Variants in TMEM87B observed in about 807,000 individuals in gnomAD.
The protein encoded by TMEM87B is transmembrane protein 87B.
TMEM87B carries 83 observed loss-of-function variants against 80.3 expected under a neutral mutation model. The observed-to-expected ratio is 1.03, with a 90% CI of 0.87 to 1.24. The LOEUF is 1.24. Among genes scored for constraint, TMEM87B ranks in the 50% most tolerant of loss-of-function variants. TMEM87B has a pLI of 0.00. For synonymous variants in TMEM87B, 219 were observed against 230.5 expected (o/e 0.95, Z 0.45); for missense variants, 625 against 674.4 (o/e 0.93, Z 0.81).
intron 5 of TMEM87B, among the ~76,000 whole-genome samples, chr2:112,076,238 C>T (rs944417654): frequency 4.6e-5 from 7 of 151,772 alleles, no homozygotes; most frequent in South Asian, 4.2e-4. Context: ...GGTGACAGAG[C>T]GAGACTCCAT....
chr2:112,064,596 A>G (rs1367878211), intron 3 of TMEM87B, among the ~76,000 whole-genome samples: 1 of 152,384 alleles, frequency 6.6e-6, no homozygotes, highest in East Asian at 1.9e-4. Context: ...TGTATTGAGT[A>G]CAAGTAGATT....
intron 6 of TMEM87B, among the ~76,000 whole-genome samples, chr2:112,078,858 G>A (rs1678901923): frequency 6.6e-6 from 1 of 152,176 alleles, no homozygotes; most frequent in African/African-American, 2.4e-5. Flanking sequence ...GAGTAAATTA[G>A]CAAGGGGGCC....
In TMEM87B at chr2:112,074,409, T is replaced by G. The variant is rs193013541; in HGVS notation, c.451-503T>G. Among the ~76,000 whole-genome samples the G allele has an allele frequency of 1.5e-4, 23 of 152,364 alleles. No homozygotes were observed. The East Asian group carries it at 2.1e-3, about 14-fold the overall frequency. On this transcript the variant is annotated intron_variant, in intron 4 of 18. Coordinates refer to ENST00000283206, the MANE Select transcript of TMEM87B (RefSeq NM_032824.3). Reference sequence around the variant, plus strand: ...TAGGCCTCCAATTCTCTTCTCCTTGTAGGGTTTCTGTGGAGAGGCTTAATG... The same window carrying G: ...TAGGCCTCCAATTCTCTTCTCCTTGGAGGGTTTCTGTGGAGAGGCTTAATG...
At chr2:112,059,424 G>A (rs1678177829) in intron 1 of TMEM87B, among the ~76,000 whole-genome samples, 1 of 151,838 alleles carries the variant, frequency 6.6e-6, no homozygotes, top group Non-Finnish European at 1.5e-5. Context: ...AGGGTGAAAG[G>A]AAGGATTTTA....
Position 112,117,518 on chromosome 2 carries a change from A to G in TMEM87B, c.*1375A>G, listed in dbSNP as rs1290530662. On this transcript the variant is annotated 3_prime_UTR_variant, in exon 19 of 19. Transcript: ENST00000283206. ...TCAGAGAGGGTAGTAAAGAAGATCT[A>G]TTTCTGGTAGTCATATCGCTTGAAA... 6.6e-6 allele frequency: 1 copy of G among 152,068 alleles called. No individual in the cohort carries two copies. Among genetic ancestry groups the G allele is most frequent in the East Asian group, 1.9e-4 (1 of 5,196 alleles). The allele number at this position is 152,068 out of a possible 1,614,324, so 9.4% of individuals were successfully genotyped here.
At chr2:112,062,964 T>G (rs1012522024) in intron 2 of TMEM87B, among the ~76,000 whole-genome samples, 1 of 152,208 alleles carries the variant, frequency 6.6e-6, no homozygotes, top group Non-Finnish European at 1.5e-5. Context: ...GGGATCACTA[T>G]GCAGATTTCT....
rs753307613 is a variant in TMEM87B at position 112,100,700 on chromosome 2, G to GT, written c.1450+6dup. 6.4e-7 allele frequency: 1 copy of GT among 1,571,402 alleles called. No homozygotes were observed. The highest frequency in any genetic ancestry group is 1.3e-5 in the African/African-American group (1 of 74,088). The stretch of plus-strand genomic sequence containing the variant: ...TGGTAACTTCTGAAAATTTAAGTGA[G>GT]TAATATGTTTTCTTTTTAAATGACC... On this transcript the variant is annotated splice_donor_region_variant and intron_variant, in intron 15 of 18. Coordinates refer to ENST00000283206, the MANE Select transcript of TMEM87B (RefSeq NM_032824.3).
At position 112,081,268 on chromosome 2, in the gene TMEM87B, A is replaced by G. The variant is rs571247756; in HGVS notation, c.655-67A>G. The G allele has an allele frequency of 2.0e-4, 289 of 1,479,662 alleles. 2 individuals carry two copies. In the African/African-American group the frequency reaches 3.7e-3, roughly 19 times the overall value. The allele number at this position is 1,479,662 out of a possible 1,614,324, so 91.7% of individuals were successfully genotyped here. A position where few individuals can be genotyped will look rare whatever the true frequency, so the allele number is the denominator to read the frequency against. ...GGAAAATGAAGGGTTGGATACTTGA[A>G]TGTAGAAGTGCCAACTTTCAAATGA... On this transcript the variant is annotated intron_variant, in intron 7 of 18. Transcript: ENST00000283206.
At chr2:112,099,174 C>T (rs904142344) in intron 14 of TMEM87B, among the ~76,000 whole-genome samples, 4 of 152,170 alleles carry the variant, frequency 2.6e-5, no homozygotes, top group African/African-American at 9.7e-5. Flanking sequence ...GAAGCCTCAG[C>T]TTCCTTGCTT....
intron 1 of TMEM87B, among the ~76,000 whole-genome samples, chr2:112,057,303 T>G (rs1573673297): frequency 6.6e-6 from 1 of 152,246 alleles, no homozygotes; most frequent in South Asian, 2.1e-4. Flanking sequence ...AGACAGAGTC[T>G]TGTTCTGTTA....
intron 18 of TMEM87B, among the ~76,000 whole-genome samples, chr2:112,113,513 G>A (rs986220702): frequency 1.3e-5 from 2 of 152,232 alleles, no homozygotes; most frequent in African/African-American, 4.8e-5. Context: ...AGCTGTATAC[G>A]TTGAAAGAGA....
chr2:112,080,260 T>A (rs753979930), intron 6 of TMEM87B, among the ~76,000 whole-genome samples: 6 of 146,776 alleles, frequency 4.1e-5, no homozygotes, highest in Admixed American at 6.9e-5. Flanking sequence ...TAATTTTTTT[T>A]ATCTTTTTTT....
intron 9 of TMEM87B, among the ~76,000 whole-genome samples, chr2:112,087,592 A>AG (rs1306071580): frequency 6.6e-6 from 1 of 152,060 alleles, no homozygotes; most frequent in Non-Finnish European, 1.5e-5. Context: ...CTCAACTGTG[A>AG]GGGAAACTGT....
chr2:112,061,352 C>A (rs1370609722), intron 2 of TMEM87B, among the ~76,000 whole-genome samples: 1 of 152,156 alleles, frequency 6.6e-6, no homozygotes, highest in South Asian at 2.1e-4. Context: ...CTACAGGATC[C>A]AAAGTCATGC....
At chr2:112,093,833 A>G (rs1266766212) in intron 11 of TMEM87B, among the ~76,000 whole-genome samples, 3 of 151,910 alleles carry the variant, frequency 2.0e-5, no homozygotes, top group Non-Finnish European at 4.4e-5. Flanking sequence ...TGTTAAGGGG[A>G]CTCTCCTGCC....
At chr2:112,057,577 A>G (rs981733678) in intron 1 of TMEM87B, among the ~76,000 whole-genome samples, 3 of 151,942 alleles carry the variant, frequency 2.0e-5, no homozygotes, top group African/African-American at 7.3e-5. Flanking sequence ...CACCTGGCCA[A>G]GAAATGGTTC....
intron 9 of TMEM87B, 95 bp from the exon 10 acceptor site, chr2:112,089,530 T>C (rs1679240162): frequency 9.0e-7 from 1 of 1,109,044 alleles, no homozygotes; most frequent in African/African-American, 1.5e-5. Flanking sequence ...GATAGTGACT[T>C]CCTGGTATTG....
chr2:112,071,539 T>C (rs986806488), intron 4 of TMEM87B, among the ~76,000 whole-genome samples: 2 of 151,908 alleles, frequency 1.3e-5, no homozygotes, highest in African/African-American at 4.8e-5. Flanking sequence ...ACTCCTGACC[T>C]TAAGTGATCC....
intron 4 of TMEM87B, among the ~76,000 whole-genome samples, chr2:112,069,198 C>CAAAAAA (rs1280554360): frequency 3.2e-5 from 2 of 62,372 alleles, no homozygotes; most frequent in African/African-American, 5.8e-5. Flanking sequence ...GACTCCGTCT[C>CAAAAAA]AAAAAAAAAA....
Sources: gnomAD v4.1 joint callset for allele counts (sites outside exome capture counted in the v4.1 genomes callset) on GRCh38, gnomAD v4.1.1 for gene constraint, MANE v1.5 for transcripts, NCBI Gene and HGNC (gene_info 2026-07-23, HGNC 2026-07-21) for gene names.